Variants in LRRC7 observed in about 807,000 individuals in gnomAD.
The protein encoded by LRRC7 is leucine-rich repeat-containing protein 7.
A neutral mutation model predicts 175.7 loss-of-function variants in LRRC7; 23 were observed. That is an observed-to-expected ratio of 0.13 (90% CI 0.09 to 0.19). LRRC7 has a LOEUF of 0.19. Among genes scored for constraint, LRRC7 ranks in the 10% least tolerant of loss-of-function variants. LRRC7 has a pLI of 1.00. For synonymous variants in LRRC7, 685 were observed against 680.9 expected (o/e 1.01, Z -0.09); for missense variants, 1,354 against 1,904.7 (o/e 0.71, Z 5.38).
intron 8 of LRRC7, among the ~76,000 whole-genome samples, chr1:69,962,647 T>C (rs1651217857): frequency 1.3e-5 from 2 of 152,210 alleles, no homozygotes; most frequent in Admixed American, 6.5e-5. Flanking sequence ...TATGCAGCCA[T>C]AAAAAAGAGC....
chr1:69,642,913 G>A (rs529343644), intron 1 of LRRC7, among the ~76,000 whole-genome samples: 63 of 152,148 alleles, frequency 4.1e-4, no homozygotes, highest in African/African-American at 1.4e-3. Flanking sequence ...AATTATGAAG[G>A]CTGAGAAGTC....
At position 70,017,140 on chromosome 1, in the gene LRRC7, G is replaced by A. The variant is rs1443400444; in HGVS notation, c.1320+606G>A. On this transcript the variant is annotated intron_variant, in intron 14 of 26. Coordinates refer to ENST00000651989, the MANE Select transcript of LRRC7 (RefSeq NM_001370785.2). Reference sequence around the variant, plus strand: ...TAAAAATACCAAATTAGCCCAGCACGGCAGCATGCCTGTAATCCCAGCTAC... The same window carrying A: ...TAAAAATACCAAATTAGCCCAGCACAGCAGCATGCCTGTAATCCCAGCTAC... Among the ~76,000 whole-genome samples the A allele has an allele frequency of 2.0e-5, 3 of 151,756 alleles. No individual in the cohort carries two copies. In the East Asian group the frequency reaches 5.8e-4, roughly 29 times the overall value.
chr1:70,042,529 C>A (rs767550596), intron 21 of LRRC7, among the ~76,000 whole-genome samples: 8 of 152,200 alleles, frequency 5.3e-5, no homozygotes, highest in Non-Finnish European at 1.0e-4. Flanking sequence ...CTTGAAGAGG[C>A]AGCTCCAAGA....
intron 2 of LRRC7, among the ~76,000 whole-genome samples, chr1:69,679,557 C>T (rs749396737): frequency 2.6e-5 from 4 of 151,924 alleles, no homozygotes; most frequent in Non-Finnish European, 5.9e-5. Context: ...CTTATAACAC[C>T]ATAAACAATA....
Position 70,132,177 on chromosome 1 carries a change from C to G in LRRC7, c.*10290C>G, listed in dbSNP as rs1666691209. ...CTTCAGACAGCCCTGAATTCCCTTCCTCTCTCTCTGCTCTCTCTTGGCCAG... is the reference window on the plus strand; with the variant it reads ...CTTCAGACAGCCCTGAATTCCCTTCGTCTCTCTCTGCTCTCTCTTGGCCAG... On this transcript the variant is annotated 3_prime_UTR_variant, in exon 27 of 27. Coordinates refer to ENST00000651989, the MANE Select transcript of LRRC7 (RefSeq NM_001370785.2). The G allele has an allele frequency of 6.6e-6, 1 of 152,232 alleles. No individual in the cohort carries two copies. Among genetic ancestry groups the G allele is most frequent in the African/African-American group, 2.4e-5 (1 of 41,444 alleles). The allele number at this position is 152,232 out of a possible 1,614,324, so 9.4% of individuals were successfully genotyped here. A position where few individuals can be genotyped will look rare whatever the true frequency, so the allele number is the denominator to read the frequency against.
chr1:69,601,821 A>G (rs1647086340), intron 1 of LRRC7, among the ~76,000 whole-genome samples: 1 of 152,110 alleles, frequency 6.6e-6, no homozygotes, highest in Non-Finnish European at 1.5e-5. Context: ...TGAGGCCCAG[A>G]GCATTTTCAA....
At chr1:69,862,268 G>A (rs1449689660) in intron 7 of LRRC7, among the ~76,000 whole-genome samples, 2 of 152,274 alleles carry the variant, frequency 1.3e-5, no homozygotes, top group East Asian at 1.9e-4. Flanking sequence ...CAGGTTGAAC[G>A]TGGAAAACTG....
At chr1:69,700,073 A>C (rs1265534545) in intron 2 of LRRC7, among the ~76,000 whole-genome samples, 1 of 152,170 alleles carries the variant, frequency 6.6e-6, no homozygotes, top group African/African-American at 2.4e-5. Context: ...CTTTTTCAAC[A>C]TTCTGATCCC....
chr1:70,125,703 A>T lies in LRRC7; in HGVS notation c.*3816A>T, dbSNP rs1666415357. 6.9e-6 allele frequency among the ~76,000 whole-genome samples: 1 copy of T among 145,464 alleles called. No individual in the cohort carries two copies. The highest frequency in any genetic ancestry group is 1.5e-5 in the Non-Finnish European group (1 of 66,198). ...GCTACTTGGGAGGCTGAGGCAGGAGAATGGCGTGAACCCAGGAGGCGGAGC... is the reference window on the plus strand; with the variant it reads ...GCTACTTGGGAGGCTGAGGCAGGAGTATGGCGTGAACCCAGGAGGCGGAGC... On this transcript the variant is annotated 3_prime_UTR_variant, in exon 27 of 27. Transcript: ENST00000651989.
intron 1 of LRRC7, among the ~76,000 whole-genome samples, chr1:69,656,571 T>C (rs1656637840): frequency 6.6e-6 from 1 of 152,002 alleles, no homozygotes; most frequent in Admixed American, 6.6e-5. Flanking sequence ...GAACCTTCTC[T>C]GAAATACCCA....
chr1:69,834,838 T>G lies in LRRC7; in HGVS notation c.559T>G (p.Phe187Val). 6.2e-7 allele frequency: 1 copy of G among 1,613,204 alleles called. No individual in the cohort carries two copies. ...NLTQLYLNDA[F>V]LEFLPANFGR... ...GACCCAGCTCTACCTGAATGACGCC[T>G]TTCTTGAATTTCTTCCAGCCAATTT... Residue 187 changes from phenylalanine (F) to valine (V), a missense_variant, in exon 6 of 27, where the codon TTT becomes GTT. Around this residue, in one of 4 missense-constraint regions of LRRC7, gnomAD observed 201 missense variants for 481.4 expected, o/e 0.42. Coordinates refer to ENST00000651989, the MANE Select transcript of LRRC7 (RefSeq NM_001370785.2).
intron 7 of LRRC7, among the ~76,000 whole-genome samples, chr1:69,928,776 T>A (rs534245750): frequency 1.3e-5 from 2 of 152,330 alleles, no homozygotes; most frequent in South Asian, 4.1e-4. Flanking sequence ...AGGCAATGCC[T>A]CGCCCTGCTT....
intron 7 of LRRC7, among the ~76,000 whole-genome samples, chr1:69,839,279 T>C (rs1681464455): frequency 6.6e-6 from 1 of 152,092 alleles, no homozygotes. Flanking sequence ...TGAAAATAAC[T>C]TTCAATAATG....
chr1:69,787,573 A>G (rs1425763350), intron 3 of LRRC7, among the ~76,000 whole-genome samples: 1 of 152,108 alleles, frequency 6.6e-6, no homozygotes, highest in Non-Finnish European at 1.5e-5. Context: ...CAGGCTCAAC[A>G]CCAAGTGGAA....
chr1:69,703,457 A>G (rs917474197), intron 2 of LRRC7, among the ~76,000 whole-genome samples: 2 of 151,934 alleles, frequency 1.3e-5, no homozygotes, highest in Non-Finnish European at 2.9e-5. Flanking sequence ...ATTTTGTTTC[A>G]TTTCATATTT....
chr1:69,924,510 TTCACG>T (rs1646996585), intron 7 of LRRC7, among the ~76,000 whole-genome samples: 1 of 152,340 alleles, frequency 6.6e-6, no homozygotes, highest in East Asian at 1.9e-4. Context: ...GAAGAGTTCC[TTCACG>T]TCCCTTGTAA....
chr1:69,993,636 TTTTG>T (rs1478443791), intron 10 of LRRC7, among the ~76,000 whole-genome samples: 1 of 152,204 alleles, frequency 6.6e-6, no homozygotes, highest in African/African-American at 2.4e-5. Context: ...AGCTATTTAA[TTTTG>T]TTTAATTTGG....
intron 10 of LRRC7, among the ~76,000 whole-genome samples, chr1:69,991,652 T>C (rs763276158): frequency 1.3e-5 from 2 of 152,150 alleles, no homozygotes; most frequent in Non-Finnish European, 2.9e-5. Context: ...TCCTCCTTAT[T>C]TGGATCATGG....
rs1380354044 is a variant in LRRC7, at chr1:70,133,375, C to A, written c.*11488C>A. ...AGCTGGGACTACAGGCATGCACCACCACGCCCGGCTAATTTTTGTATTTTT... is the reference window on the plus strand; with the variant it reads ...AGCTGGGACTACAGGCATGCACCACAACGCCCGGCTAATTTTTGTATTTTT... On this transcript the variant is annotated 3_prime_UTR_variant, in exon 27 of 27. Transcript: ENST00000651989. Among the ~76,000 whole-genome samples the A allele has an allele frequency of 2.6e-5, 4 of 152,090 alleles. No homozygotes were observed. In the East Asian group the frequency reaches 7.7e-4, roughly 29 times the overall value.
Sources: allele counts gnomAD v4.1 joint callset (sites outside exome capture counted in the v4.1 genomes callset), GRCh38; gene constraint gnomAD v4.1.1; regional missense constraint gnomAD v4.1.1; transcripts MANE v1.5; gene names NCBI Gene and HGNC (gene_info 2026-07-23, HGNC 2026-07-21).